The following BMPR2 variants were observed in gnomAD, a reference collection of about 807,000 sequenced individuals.
BMPR2 encodes bone morphogenetic protein receptor type 2.
Under a neutral mutation model 100.8 loss-of-function variants are expected in BMPR2, and 29 were observed. The observed-to-expected ratio is 0.29, with a 90% confidence interval of 0.21 to 0.39. The LOEUF (loss-of-function observed/expected upper bound fraction) is 0.39, where lower values mean the gene tolerates loss of function less well. BMPR2 is among the 10% of genes least tolerant of loss of function. The pLI, the probability that BMPR2 is intolerant of heterozygous loss-of-function variation, is 1.00. For missense variants in BMPR2, 1,011 were observed against 1,274.5 expected (o/e 0.79, Z 3.15); for synonymous variants, 382 against 442.3 (o/e 0.86, Z 1.71).
chr2:202,505,611 A>T (rs935809994), intron 3 of BMPR2, among the ~76,000 whole-genome samples: 1 of 152,110 alleles, frequency 6.6e-6, no homozygotes, highest in Admixed American at 6.5e-5. Flanking sequence ...GAGCCATGGT[A>T]TAGAGACCTC....
At position 202,396,021 on chromosome 2, in the gene BMPR2, A is replaced by T. The variant is rs188122426; in HGVS notation, c.76+18471A>T. ...TAAGGAAATTGGCCTGATGATGGAG[A>T]TGTTCTTTGGAAGAGCAGCCAGGTG... On this transcript the variant is annotated intron_variant, in intron 1 of 12. Transcript: ENST00000374580. Among the ~76,000 whole-genome samples the T allele has an allele frequency of 2.5e-3, 384 of 152,260 alleles. 1 individual carries two copies. The highest frequency in any genetic ancestry group is 4.3e-3 in the Admixed American group (65 of 15,288).
At chr2:202,537,436 C>A (rs1688181625) in intron 9 of BMPR2, among the ~76,000 whole-genome samples, 2 of 151,996 alleles carry the variant, frequency 1.3e-5, no homozygotes, top group Non-Finnish European at 2.9e-5. Flanking sequence ...GCAATTAAAT[C>A]TTGTTTTCAG....
chr2:202,475,154 T>C (rs1433747296), intron 3 of BMPR2: 1 of 152,060 alleles, frequency 6.6e-6, no homozygotes, highest in Non-Finnish European at 1.5e-5. Flanking sequence ...CAGGTTTTTG[T>C]TTTGTGTTGT....
In BMPR2 at chr2:202,422,673, T is replaced by C. The variant is rs368246026; in HGVS notation, c.77-42136T>C. ...GTGAAGTTTGTAAATTGTTTTTGTT[T>C]TGTTTTGTTTTGCTTTGTTTTGAGA... On this transcript the variant is annotated intron_variant, in intron 1 of 12. Coordinates refer to ENST00000374580, the MANE Select transcript of BMPR2 (RefSeq NM_001204.7). 4.6e-5 allele frequency among the ~76,000 whole-genome samples: 7 copies of C among 151,674 alleles called. 1 individual carries two copies. The highest frequency in any genetic ancestry group is 3.9e-4 in the Admixed American group (6 of 15,200).
chr2:202,504,045 TA>T (rs1198567572), intron 3 of BMPR2, among the ~76,000 whole-genome samples: 6 of 151,780 alleles, frequency 4.0e-5, no homozygotes, highest in African/African-American at 1.5e-4. Flanking sequence ...TGTATCTAGC[TA>T]ATCTGGTGGG....
intron 1 of BMPR2, among the ~76,000 whole-genome samples, chr2:202,427,938 C>T (rs1307783131): frequency 2.0e-5 from 3 of 152,146 alleles, no homozygotes; most frequent in African/African-American, 7.2e-5. Context: ...GAGATCATGC[C>T]AGTGTGCTCC....
chr2:202,437,381 T>G (rs1358946346), intron 1 of BMPR2, among the ~76,000 whole-genome samples: 2 of 150,886 alleles, frequency 1.3e-5, no homozygotes, highest in African/African-American at 5.0e-5. Flanking sequence ...GTTGTTGCAA[T>G]AAATTTTAAC....
intron 3 of BMPR2, among the ~76,000 whole-genome samples, chr2:202,502,421 C>CAGAAAGAGAGTT (rs1485715551): frequency 1.3e-5 from 2 of 151,712 alleles, no homozygotes; most frequent in Non-Finnish European, 2.9e-5. Flanking sequence ...GGAACAGACA[C>CAGAAAGAGAGTT]AGAAAGAGAG....
intron 1 of BMPR2, among the ~76,000 whole-genome samples, chr2:202,405,339 CTATA>C (rs766100834): frequency 6.6e-6 from 1 of 151,982 alleles, no homozygotes; most frequent in Admixed American, 6.6e-5. Flanking sequence ...GGTAGGGTGA[CTATA>C]TAATTTGCAA....
intron 3 of BMPR2, among the ~76,000 whole-genome samples, chr2:202,490,922 T>G (rs1692887960): frequency 6.6e-6 from 1 of 151,962 alleles, no homozygotes; most frequent in Non-Finnish European, 1.5e-5. Context: ...GTTTTTGTTT[T>G]TTGTTTTGTT....
At chr2:202,482,806 T>C (rs566266118) in intron 3 of BMPR2, among the ~76,000 whole-genome samples, 1 of 152,176 alleles carries the variant, frequency 6.6e-6, no homozygotes, top group African/African-American at 2.4e-5. Flanking sequence ...CTCAAAGTGC[T>C]GGGATTACAG....
intron 1 of BMPR2, among the ~76,000 whole-genome samples, chr2:202,385,319 CTT>C (rs1690403410): frequency 7.6e-6 from 1 of 130,822 alleles, no homozygotes; most frequent in East Asian, 2.1e-4. Context: ...AACCCTAACA[CTT>C]TTTGTTTTGG....
At position 202,377,320 on chromosome 2, in the gene BMPR2, TAGGTCCTCTC is replaced by T; in HGVS notation, c.-153_-144del. ...TGCAGCGGCATGAAAGCTCTGCAGC[TAGGTCCTCTC>T]ATCAGCCATTTGTCCTTTCAAACTG... On this transcript the variant is annotated 5_prime_UTR_variant, in exon 1 of 13. An upstream open reading frame in the 5' UTR loses its in-frame stop. Transcript: ENST00000374580. The T allele has an allele frequency of 1.3e-6, 1 of 752,694 alleles. No homozygotes were observed. The highest frequency in any genetic ancestry group is 2.4e-6 in the Non-Finnish European group (1 of 414,968). The allele number at this position is 752,694 out of a possible 1,614,324, so 46.6% of individuals were successfully genotyped here. A position where few individuals can be genotyped will look rare whatever the true frequency, so the allele number is the denominator to read the frequency against.
At chr2:202,559,399 C>G (rs1430073486) in intron 12 of BMPR2, among the ~76,000 whole-genome samples, 5 of 151,978 alleles carry the variant, frequency 3.3e-5, no homozygotes, top group South Asian at 4.2e-4. Flanking sequence ...CTACCAAAAC[C>G]AGAAGATTTG....
At chr2:202,526,691 T>C (rs1270742622) in intron 7 of BMPR2, among the ~76,000 whole-genome samples, 1 of 152,112 alleles carries the variant, frequency 6.6e-6, no homozygotes, top group Non-Finnish European at 1.5e-5. Flanking sequence ...TTTAGCAAGG[T>C]TTCAAGTCAA....
At chr2:202,407,141 C>T (rs549622609) in intron 1 of BMPR2, among the ~76,000 whole-genome samples, 52 of 151,854 alleles carry the variant, frequency 3.4e-4, no homozygotes, top group African/African-American at 1.2e-3. Context: ...CAGGGTTTCA[C>T]CATGTTGGCC....
chr2:202,552,597 G>A, intron 10 of BMPR2, 119 bp from the exon 11 acceptor site: 1 of 993,070 alleles, frequency 1.0e-6, no homozygotes, highest in South Asian at 1.4e-5. Context: ...TGTTATTAGA[G>A]CTATGTAAAA....
chr2:202,410,326 C>A (rs1234641521), intron 1 of BMPR2, among the ~76,000 whole-genome samples: 1 of 152,000 alleles, frequency 6.6e-6, no homozygotes, highest in African/African-American at 2.4e-5. Context: ...CTAATAAGAA[C>A]CCTTGAGAAA....
intron 1 of BMPR2, among the ~76,000 whole-genome samples, chr2:202,452,400 G>A (rs1692008487): frequency 1.3e-5 from 2 of 152,094 alleles, no homozygotes; most frequent in South Asian, 2.1e-4. Flanking sequence ...AGTTGTTTAC[G>A]TATTGTAAAT....
Sources: allele counts gnomAD v4.1 joint callset (sites outside exome capture counted in the v4.1 genomes callset), GRCh38; gene constraint gnomAD v4.1.1; transcripts MANE v1.5; gene names NCBI Gene and HGNC (gene_info 2026-07-23, HGNC 2026-07-21).